PPP4R3A: variants seen among roughly 807,000 people sequenced by gnomAD.
PPP4R3A encodes protein phosphatase 4 regulatory subunit 3A.
PPP4R3A carries 15 observed loss-of-function variants against 91.7 expected under a neutral mutation model. The ratio of observed to expected loss-of-function variants is 0.16; its 90% CI spans 0.11 to 0.25. The LOEUF (loss-of-function observed/expected upper bound fraction) is 0.25, where lower values mean the gene tolerates loss of function less well. PPP4R3A is among the 10% of genes least tolerant of loss of function. PPP4R3A has a pLI of 1.00. For missense variants in PPP4R3A, 623 were observed against 998.4 expected, an observed-to-expected ratio of 0.62 and a Z score of 5.07; for synonymous variants, 377 against 348.7, an observed-to-expected ratio of 1.08 and a Z score of -0.91.
At chr14:91,460,046 C>G (rs1888027700) in intron 14 of PPP4R3A, among the ~76,000 whole-genome samples, 1 of 151,918 alleles carries the variant, frequency 6.6e-6, no homozygotes, top group African/African-American at 2.4e-5. Flanking sequence ...GAGTCTCACT[C>G]TGTCGCCCAG....
At position 91,481,603 on chromosome 14, in the gene PPP4R3A, A is replaced by G. The variant is rs1197942433; in HGVS notation, c.888T>C (p.Asn296=). The change falls in exon 4 of 15, where the codon AAT becomes AAC. Residue 296 remains asparagine (N), a synonymous_variant. Transcript: ENST00000554943. The stretch of plus-strand genomic sequence containing the variant: ...GCAACATGCCAACAATCTCTACCTT[A>G]TTGAAAAAGATAAAAGAGTGAAGTG... ...LSTLHSFIFF[N]KVEIVGMLQE... The G allele has an allele frequency of 8.8e-6, 14 of 1,585,606 alleles. No homozygotes were observed. The highest frequency in any genetic ancestry group is 1.1e-5 in the Non-Finnish European group (13 of 1,169,968).
At chr14:91,506,856 C>T (rs1472856794) in intron 1 of PPP4R3A, among the ~76,000 whole-genome samples, 3 of 152,196 alleles carry the variant, frequency 2.0e-5, no homozygotes, top group Non-Finnish European at 4.4e-5. Flanking sequence ...AGCCTAAGTC[C>T]ATTCTTTGCA....
chr14:91,504,486 C>G (rs1891160185), intron 1 of PPP4R3A, among the ~76,000 whole-genome samples: 1 of 151,758 alleles, frequency 6.6e-6, no homozygotes, highest in South Asian at 2.1e-4. Context: ...CCTGTAATGT[C>G]AGCTACTCGT....
chr14:91,497,922 G>C (rs913776520), intron 1 of PPP4R3A, among the ~76,000 whole-genome samples: 1 of 152,158 alleles, frequency 6.6e-6, no homozygotes, highest in African/African-American at 2.4e-5. Context: ...GATACTACAA[G>C]GTTACATGCC....
chr14:91,493,302 G>A (rs1475779426), intron 1 of PPP4R3A, among the ~76,000 whole-genome samples: 2 of 139,844 alleles, frequency 1.4e-5, no homozygotes, highest in Non-Finnish European at 3.0e-5. Flanking sequence ...GGTCAACAGA[G>A]ACTCTGCCTC....
intron 1 of PPP4R3A, among the ~76,000 whole-genome samples, chr14:91,508,528 G>A (rs8003094): frequency 0.034 from 5,145 of 152,240 alleles, 257 homozygotes; most frequent in African/African-American, 0.12. Flanking sequence ...TTCACGTTTG[G>A]AAGTAACAAT....
chr14:91,458,525 C>A lies in PPP4R3A; in HGVS notation c.*234G>T. 1.7e-6 allele frequency: 1 copy of A among 591,488 alleles called. No homozygotes were observed. Among genetic ancestry groups the A allele is most frequent in the African/African-American group, 1.9e-5 (1 of 53,774 alleles). 36.6% of individuals were successfully genotyped at this position (591,488 alleles called of 1,614,324 possible). Reference sequence around the variant, plus strand: ...TCCATTTCCTTCCCTGAGAAAAGGGCAATGTGTGGTCCAAGCTGGAGAGCT... The same window carrying A: ...TCCATTTCCTTCCCTGAGAAAAGGGAAATGTGTGGTCCAAGCTGGAGAGCT... On this transcript the variant is annotated 3_prime_UTR_variant, in exon 15 of 15. Coordinates refer to ENST00000554943, the MANE Select transcript of PPP4R3A (RefSeq NM_001366432.2).
intron 12 of PPP4R3A, 123 bp downstream of exon 12, chr14:91,462,612 T>A: frequency 1.8e-6 from 2 of 1,106,884 alleles, no homozygotes; most frequent in South Asian, 2.7e-5. Context: ...GAAGCTACAA[T>A]TTCTATTTGC....
intron 1 of PPP4R3A, among the ~76,000 whole-genome samples, chr14:91,492,483 C>T (rs117106605): frequency 3.5e-4 from 53 of 152,288 alleles, no homozygotes; most frequent in Non-Finnish European, 5.6e-4. Flanking sequence ...CAGAACAGTA[C>T]CAAGTAATAC....
intron 1 of PPP4R3A, among the ~76,000 whole-genome samples, chr14:91,494,222 A>G (rs180837093): frequency 3.4e-3 from 515 of 152,356 alleles, no homozygotes; most frequent in Non-Finnish European, 5.9e-3. Context: ...AAGATGCAAG[A>G]TCTCTAATGG....
chr14:91,462,391 C>A, intron 12 of PPP4R3A, 152 bp from the exon 13 acceptor site: 4 of 851,802 alleles, frequency 4.7e-6, no homozygotes, highest in East Asian at 3.2e-5. Context: ...GATTAATGTA[C>A]AAAATTTTAA....
At chr14:91,489,491 A>T (rs947828054) in intron 2 of PPP4R3A, among the ~76,000 whole-genome samples, 1 of 152,176 alleles carries the variant, frequency 6.6e-6, no homozygotes, top group Non-Finnish European at 1.5e-5. Flanking sequence ...AATTTTAGAA[A>T]CTGCTTTTCT....
chr14:91,460,435 GAAA>G (rs896115274), intron 14 of PPP4R3A, among the ~76,000 whole-genome samples: 3 of 146,024 alleles, frequency 2.1e-5, no homozygotes, highest in African/African-American at 5.0e-5. Context: ...GCTCACGCCA[GAAA>G]AAAAAAAGAC....
At chr14:91,493,589 G>C (rs1429812071) in intron 1 of PPP4R3A, among the ~76,000 whole-genome samples, 1 of 149,942 alleles carries the variant, frequency 6.7e-6, no homozygotes, top group African/African-American at 2.5e-5. Flanking sequence ...AGGCTAGCCT[G>C]GTCTCATATA....
At chr14:91,502,669 A>G (rs1430504210) in intron 1 of PPP4R3A, among the ~76,000 whole-genome samples, 2 of 152,224 alleles carry the variant, frequency 1.3e-5, no homozygotes, top group Non-Finnish European at 2.9e-5. Flanking sequence ...AGAGGCAGAA[A>G]CAGCACAGAA....
At chr14:91,500,558 T>TTGTA (rs1890884704) in intron 1 of PPP4R3A, among the ~76,000 whole-genome samples, 1 of 152,136 alleles carries the variant, frequency 6.6e-6, no homozygotes, top group Non-Finnish European at 1.5e-5. Context: ...CACTGTACTG[T>TTGTA]TGTATAGCAG....
chr14:91,482,171 A>G lies in PPP4R3A; in HGVS notation c.320T>C (p.Val107Ala), dbSNP rs1889606894. The G allele has an allele frequency of 6.2e-7, 1 of 1,607,810 alleles. No individual in the cohort carries two copies. Among genetic ancestry groups the G allele is most frequent in the African/African-American group, 1.3e-5 (1 of 74,562 alleles). Residue 107 changes from valine (V) to alanine (A), a missense_variant, in exon 4 of 15, where the codon GTG becomes GCG. Transcript: ENST00000554943. ...ATCCACAAGGTCCTGAGTGATGTCCACGGAAGGGTCCTTTCCTTGAACCTA... is the reference window on the plus strand; with the variant it reads ...ATCCACAAGGTCCTGAGTGATGTCCGCGGAAGGGTCCTTTCCTTGAACCTA... ...ICQVQGKDPSVDITQDLVDES... is the reference protein window; with the variant it reads ...ICQVQGKDPSADITQDLVDES...
intron 10 of PPP4R3A, among the ~76,000 whole-genome samples, chr14:91,470,522 C>T (rs1028549888): frequency 6.6e-6 from 1 of 152,152 alleles, no homozygotes; most frequent in African/African-American, 2.4e-5. Flanking sequence ...CAATCACAGG[C>T]CATGGGCTGG....
intron 10 of PPP4R3A, among the ~76,000 whole-genome samples, chr14:91,469,586 G>C (rs972961829): frequency 3.3e-5 from 5 of 152,144 alleles, no homozygotes; most frequent in African/African-American, 1.2e-4. Flanking sequence ...TTTCTTGGGT[G>C]GGGAGACAGT....
Sources: allele counts gnomAD v4.1 joint callset (sites outside exome capture counted in the v4.1 genomes callset), GRCh38; gene constraint gnomAD v4.1.1; transcripts MANE v1.5; gene names NCBI Gene and HGNC (gene_info 2026-07-23, HGNC 2026-07-21).